Variants in SEMA5A observed in about 807,000 individuals in gnomAD.
SEMA5A encodes semaphorin-5A.
In SEMA5A, 55 loss-of-function variants were observed where a neutral mutation model predicts 135.5. The observed-to-expected ratio is 0.41, with a 90% CI of 0.33 to 0.51. SEMA5A has a LOEUF of 0.51. Among genes scored for constraint, SEMA5A ranks in the 20% least tolerant of loss-of-function variants. The pLI, the probability that SEMA5A is intolerant of heterozygous loss-of-function variation, is 0.37. For synonymous variants in SEMA5A, 580 were observed against 546.5 expected (o/e 1.06, Z -0.85); for missense variants, 1,290 against 1,419.9 (o/e 0.91, Z 1.47).
intron 3 of SEMA5A, among the ~76,000 whole-genome samples, chr5:9,353,202 A>G (rs1754253926): frequency 7.6e-6 from 1 of 131,132 alleles, no homozygotes; most frequent in African/African-American, 3.2e-5. Context: ...AAAGGAAAGG[A>G]AAGGAAAGGA....
At chr5:9,345,944 G>C (rs539698433) in intron 3 of SEMA5A, among the ~76,000 whole-genome samples, 6 of 152,182 alleles carry the variant, frequency 3.9e-5, no homozygotes, top group Middle Eastern at 3.2e-3. Context: ...AGAGAAGGCA[G>C]AGAGATTCTA....
At chr5:9,427,529 CCTT>C (rs1349345884) in intron 2 of SEMA5A, among the ~76,000 whole-genome samples, 4 of 152,166 alleles carry the variant, frequency 2.6e-5, no homozygotes, top group Non-Finnish European at 5.9e-5. Flanking sequence ...AATGTGCTGT[CCTT>C]CTCCTGCTTT....
intron 5 of SEMA5A, among the ~76,000 whole-genome samples, chr5:9,272,588 C>T (rs1025512621): frequency 1.3e-5 from 2 of 152,122 alleles, no homozygotes; most frequent in Non-Finnish European, 2.9e-5. Context: ...CAGTAGGGGC[C>T]GACAGACACC....
chr5:9,439,811 T>C (rs577073281), intron 1 of SEMA5A, among the ~76,000 whole-genome samples: 1 of 152,328 alleles, frequency 6.6e-6, no homozygotes, highest in Admixed American at 6.5e-5. Context: ...AGCCCCTTCC[T>C]TGTGGAAAAG....
At chr5:9,229,664 T>G (rs1451544961) in intron 6 of SEMA5A, among the ~76,000 whole-genome samples, 1 of 151,974 alleles carries the variant, frequency 6.6e-6, no homozygotes, top group Admixed American at 6.6e-5. Flanking sequence ...GTTTTGTTTG[T>G]TTTTTGATGC....
intron 1 of SEMA5A, among the ~76,000 whole-genome samples, chr5:9,528,767 T>A (rs1737275945): frequency 6.6e-6 from 1 of 152,210 alleles, no homozygotes; most frequent in Admixed American, 6.5e-5. Flanking sequence ...CACTAAATTA[T>A]GGGAAAATTT....
chr5:9,351,426 C>T (rs1024793843), intron 3 of SEMA5A, among the ~76,000 whole-genome samples: 55 of 151,868 alleles, frequency 3.6e-4, no homozygotes, highest in Admixed American at 2.0e-4. Context: ...ATAATTAGTG[C>T]ATTTCATTGT....
At chr5:9,340,510 A>G (rs1753600261) in intron 3 of SEMA5A, among the ~76,000 whole-genome samples, 1 of 152,218 alleles carries the variant, frequency 6.6e-6, no homozygotes, top group Non-Finnish European at 1.5e-5. Flanking sequence ...CAGGCTAAAG[A>G]GACATACATC....
intron 1 of SEMA5A, among the ~76,000 whole-genome samples, chr5:9,446,738 G>T (rs1274180893): frequency 6.6e-6 from 1 of 152,122 alleles, no homozygotes; most frequent in Non-Finnish European, 1.5e-5. Flanking sequence ...ACACAAAGGA[G>T]ACTCAAGATT....
intron 11 of SEMA5A, 100 bp downstream of exon 11, chr5:9,190,167 G>A (rs1745020485): frequency 7.9e-7 from 1 of 1,269,840 alleles, no homozygotes; most frequent in Admixed American, 2.0e-5. Context: ...GAGACATCAG[G>A]CGTAAAGCTT....
At chr5:9,267,085 TA>T (rs1749720269) in intron 5 of SEMA5A, among the ~76,000 whole-genome samples, 1 of 152,192 alleles carries the variant, frequency 6.6e-6, no homozygotes, top group Admixed American at 6.5e-5. Context: ...GGTGGATTTC[TA>T]GGTTGCTGGC....
At chr5:9,335,752 T>C (rs888673606) in intron 4 of SEMA5A, among the ~76,000 whole-genome samples, 1 of 152,210 alleles carries the variant, frequency 6.6e-6, no homozygotes, top group African/African-American at 2.4e-5. Context: ...TAAATTGTTA[T>C]AATCCCAACC....
intron 3 of SEMA5A, among the ~76,000 whole-genome samples, chr5:9,344,630 G>C (rs560710865): frequency 6.6e-6 from 1 of 152,268 alleles, no homozygotes; most frequent in African/African-American, 2.4e-5. Context: ...CCAGGGGAAA[G>C]AAGATCTCAA....
rs200818246 is a variant in SEMA5A, at chr5:9,292,659, A to AC, written c.270+25712dup. On this transcript the variant is annotated intron_variant, in intron 5 of 22. Coordinates refer to ENST00000382496, the MANE Select transcript of SEMA5A (RefSeq NM_003966.3). ...TTATTCAATAAAAGCTGCAAAAAAA[A>AC]CCATGTTTGTTTGAAAATACACACT... is the stretch of plus-strand genomic sequence containing the variant. Among the ~76,000 whole-genome samples, 850 of 152,304 alleles carry AC rather than the reference A, an allele frequency of 5.6e-3. 5 individuals are homozygous for AC. Among genetic ancestry groups the AC allele is most frequent in the African/African-American group, 0.019 (809 of 41,544 alleles).
intron 3 of SEMA5A, among the ~76,000 whole-genome samples, chr5:9,371,622 A>G (rs1755140011): frequency 6.6e-6 from 1 of 152,254 alleles, no homozygotes; most frequent in African/African-American, 2.4e-5. Flanking sequence ...ATGTGGTTAT[A>G]CCTTAGCTGG....
rs1213488683 is a variant in SEMA5A, at chr5:9,062,979, C to T, written c.2426G>A (p.Arg809His). 20 of 1,614,232 alleles carry T rather than the reference C, an allele frequency of 1.2e-5. No homozygotes were observed. Among genetic ancestry groups the T allele is most frequent in the Admixed American group, 1.7e-5 (1 of 60,030 alleles). Residue 809 changes from arginine (R) to histidine (H), a missense_variant, in exon 18 of 23, where the codon CGT becomes CAT. Physicochemically the swap from Arg to His is conservative, Grantham distance 29 (BLOSUM62 0). Transcript: ENST00000382496. ...CTTGGGTTCGGGGTTGTTGCAAACACGCTTCCGGTTCCGAATGCCCCTGCT... is the reference window on the plus strand; with the variant it reads ...CTTGGGTTCGGGGTTGTTGCAAACATGCTTCCGGTTCCGAATGCCCCTGCT... ...DCSRGIRNRK[R>H]VCNNPEPKYG... is the part of the protein sequence containing the mutation.
chr5:9,049,385 C>A (rs1014096670), intron 21 of SEMA5A, among the ~76,000 whole-genome samples: 2 of 152,292 alleles, frequency 1.3e-5, no homozygotes, highest in East Asian at 3.9e-4. Flanking sequence ...TCATCTCGAA[C>A]TCCTCCTGAC....
At position 9,326,219 on chromosome 5, in the gene SEMA5A, G is replaced by A. The variant is rs560920635; in HGVS notation, c.225-7802C>T. ...AGTATAGTGACATCCTACATGATAC[G>A]CACATTTTCAATTGCACTGGTAGAC... On this transcript the variant is annotated intron_variant, in intron 4 of 22. Transcript: ENST00000382496. Among the ~76,000 whole-genome samples, 31 of 152,196 alleles carry A rather than the reference G, an allele frequency of 2.0e-4. No individual in the cohort carries two copies. In the East Asian group the frequency reaches 3.1e-3, roughly 15 times the overall value.
chr5:9,379,194 A>C (rs919162831), intron 3 of SEMA5A, among the ~76,000 whole-genome samples: 11 of 152,256 alleles, frequency 7.2e-5, no homozygotes, highest in African/African-American at 2.7e-4. Context: ...TGTCTCATTC[A>C]TCATATTTAG....
Sources: allele counts gnomAD v4.1 joint callset (sites outside exome capture counted in the v4.1 genomes callset), GRCh38; gene constraint gnomAD v4.1.1; transcripts MANE v1.5; gene names NCBI Gene and HGNC (gene_info 2026-07-23, HGNC 2026-07-21).